The following RMC1 variants were observed in gnomAD, a reference collection of about 807,000 sequenced individuals.
The protein encoded by RMC1 is regulator of MON1-CCZ1 complex.
Under a neutral mutation model 95.5 loss-of-function variants are expected in RMC1, and 44 were observed. The observed-to-expected ratio is 0.46, with a 90% CI of 0.36 to 0.59. The LOEUF is 0.59. Ranked by LOEUF, RMC1 falls within the 20% of genes least tolerant of loss-of-function variation. RMC1 has a pLI of 0.00. For synonymous variants in RMC1, 320 were observed against 303.6 expected (o/e 1.05, Z -0.56); for missense variants, 705 against 819.6 (o/e 0.86, Z 1.71).
chr18:23,526,796 T>G, intron 13 of RMC1, 31 bp downstream of exon 13: 1 of 1,610,708 alleles, frequency 6.2e-7, no homozygotes, highest in South Asian at 1.1e-5. Flanking sequence ...TTGCTCTGAT[T>G]CCAGTGTGAG....
At chr18:23,524,941 CTTTTTTTTTTT>C (rs5823396) in intron 12 of RMC1, among the ~76,000 whole-genome samples, 4 of 69,208 alleles carry the variant, frequency 5.8e-5, no homozygotes, top group African/African-American at 1.8e-4. Context: ...TTAGAGAAAT[CTTTTTTTTTTT>C]TTTTTTTTTT....
Position 23,520,317 on chromosome 18 carries a change from A to G in RMC1, c.961+4A>G. ...CCCTATCAGATCCCCATCACAGGTAACACGGGTTCTGTAGAGGAGTCTGTG... is the reference window on the plus strand; with the variant it reads ...CCCTATCAGATCCCCATCACAGGTAGCACGGGTTCTGTAGAGGAGTCTGTG... On this transcript the variant is annotated splice_donor_region_variant and intron_variant, in intron 10 of 19. Coordinates refer to ENST00000269221, the MANE Select transcript of RMC1 (RefSeq NM_013326.5). The G allele has an allele frequency of 6.2e-7, 1 of 1,608,562 alleles. No homozygotes were observed. The highest frequency in any genetic ancestry group is 8.5e-7 in the Non-Finnish European group (1 of 1,175,090).
intron 8 of RMC1, 25 bp from the exon 9 acceptor site, chr18:23,519,044 C>A (rs1483545170): frequency 1.5e-5 from 24 of 1,612,718 alleles, no homozygotes; most frequent in Non-Finnish European, 2.0e-5. Context: ...GCTTGTTGAT[C>A]TGTTTTTTGC....
At chr18:23,515,775 C>T (rs975808974) in intron 5 of RMC1, 81 bp from the exon 6 acceptor site, 42 of 1,546,218 alleles carry the variant, frequency 2.7e-5, no homozygotes, top group East Asian at 4.5e-5. Flanking sequence ...TCAGGTGATC[C>T]GCCCACCTTA....
chr18:23,529,753 ATTT>A, intron 16 of RMC1, 41 bp downstream of exon 16: 2 of 1,549,100 alleles, frequency 1.3e-6, no homozygotes, highest in African/African-American at 1.4e-5. Context: ...AACAGAAGGA[ATTT>A]AAAAAAAAAA....
In RMC1 at chr18:23,528,079, G is replaced by A. The variant is rs544406091; in HGVS notation, c.1296+178G>A. ...ATAGTGGAGGAGTAGTAAATTCAGGGTCCCTGCATCCCACGAGCTGGCGGC... is the reference window on the plus strand; with the variant it reads ...ATAGTGGAGGAGTAGTAAATTCAGGATCCCTGCATCCCACGAGCTGGCGGC... On this transcript the variant is annotated intron_variant, in intron 14 of 19. Transcript: ENST00000269221. The A allele has an allele frequency of 9.2e-6, 5 of 545,860 alleles. No homozygotes were observed. In the South Asian group the frequency reaches 1.2e-4, roughly 13 times the overall value. The allele number at this position is 545,860 out of a possible 1,614,324, so 33.8% of individuals were successfully genotyped here.
At chr18:23,531,408 G>A in intron 19 of RMC1, 3 of 904,054 alleles carry the variant, frequency 3.3e-6, no homozygotes, top group Non-Finnish European at 3.1e-6. Context: ...ATGTAAGACG[G>A]CATTTAGTTA....
At chr18:23,505,214 C>T (rs1037399831) in intron 2 of RMC1, among the ~76,000 whole-genome samples, 8 of 152,126 alleles carry the variant, frequency 5.3e-5, no homozygotes, top group African/African-American at 1.2e-4. Flanking sequence ...CCCACCACCA[C>T]GCCCGGCTAA....
Position 23,529,235 on chromosome 18 carries a change from C to T in RMC1, c.1353C>T (p.Thr451=). 1 of 1,614,036 alleles carries T rather than the reference C, an allele frequency of 6.2e-7. No homozygotes were observed. Among genetic ancestry groups the T allele is most frequent in the Non-Finnish European group, 8.5e-7 (1 of 1,180,006 alleles). The change falls in exon 15 of 20, where the codon ACC becomes ACT. Residue 451 remains threonine, a synonymous_variant. Coordinates refer to ENST00000269221, the MANE Select transcript of RMC1 (RefSeq NM_013326.5). ...CGCTCCTCAAGAGGCCGGTGCGGAC[C>T]CAGGCGGTGCTGGACCAGTCAGATG... The part of the protein sequence containing the change: ...SSPLLKRPVR[T]QAVLDQSDVY...
chr18:23,504,731 C>G, intron 2 of RMC1: 1 of 299,122 alleles, frequency 3.3e-6, no homozygotes, highest in Non-Finnish European at 6.5e-6. Flanking sequence ...ATGATGTGCC[C>G]ATTTCTGGTT....
intron 19 of RMC1, 117 bp from the exon 20 acceptor site, chr18:23,531,508 C>CA: frequency 6.7e-7 from 1 of 1,493,026 alleles, no homozygotes; most frequent in Non-Finnish European, 8.9e-7. Context: ...CTTAGGAAAA[C>CA]AATGTATTTT....
At position 23,504,411 on chromosome 18, in the gene RMC1, T is replaced by C; in HGVS notation, c.143T>C (p.Val48Ala). The C allele has an allele frequency of 6.2e-7, 1 of 1,614,196 alleles. No homozygotes were observed. Among genetic ancestry groups the C allele is most frequent in the East Asian group, 2.2e-5 (1 of 44,892 alleles). The change falls in exon 2 of 20, where the codon GTT becomes GCT. Residue 48 changes from valine to alanine, a missense_variant. Val to Ala is a moderately conservative substitution (Grantham distance 64, BLOSUM62 0). Coordinates refer to ENST00000269221, the MANE Select transcript of RMC1 (RefSeq NM_013326.5). ...TCTGGTGGAGCTACTGGCGTGGTAG[T>C]TAAAGGCCCAGATGATAGGAATCCC... ...VRSGGATGVV[V>A]KGPDDRNPIS...
chr18:23,522,429 G>A (rs2058167124), intron 10 of RMC1: 1 of 152,182 alleles, frequency 6.6e-6, no homozygotes, highest in Non-Finnish European at 1.5e-5. Context: ...AGCTTTGAAT[G>A]CAGCCCAACA....
In RMC1 at chr18:23,527,862, G is replaced by C; in HGVS notation, c.1257G>C (p.Glu419Asp). 1 of 1,614,106 alleles carries C rather than the reference G, an allele frequency of 6.2e-7. No individual in the cohort carries two copies. Among genetic ancestry groups the C allele is most frequent in the Non-Finnish European group, 8.5e-7 (1 of 1,180,000 alleles). ...IATVFDKLNH[E>D]YKKYLDAEQS... ...CTGTTTTTGATAAACTCAACCATGAGTATAAAAAGTACCTGGATGCCGAGC... is the reference window on the plus strand; with the variant it reads ...CTGTTTTTGATAAACTCAACCATGACTATAAAAAGTACCTGGATGCCGAGC... The change falls in exon 14 of 20, where the codon GAG (glutamate) becomes GAC (aspartate). Residue 419 changes from glutamate (E) to aspartate (D), a missense_variant. By Grantham distance (45) the Glu-to-Asp change is conservative. Coordinates refer to ENST00000269221, the MANE Select transcript of RMC1 (RefSeq NM_013326.5).
At chr18:23,513,359 C>T (rs2057914654) in intron 5 of RMC1, among the ~76,000 whole-genome samples, 1 of 152,218 alleles carries the variant, frequency 6.6e-6, no homozygotes, top group Admixed American at 6.5e-5. Flanking sequence ...TTCCCCCATG[C>T]CATAGCATGT....
At chr18:23,524,106 C>G (rs1264787543) in intron 10 of RMC1, 24 bp from the exon 11 acceptor site, 1 of 1,613,560 alleles carries the variant, frequency 6.2e-7, no homozygotes, top group Non-Finnish European at 8.5e-7. Flanking sequence ...TGCATCGTTG[C>G]ACTTATGTTT....
chr18:23,507,375 T>G (rs1160472008), intron 3 of RMC1, among the ~76,000 whole-genome samples: 3 of 152,220 alleles, frequency 2.0e-5, no homozygotes, highest in Non-Finnish European at 2.9e-5. Flanking sequence ...TTCTCTCGCC[T>G]CAGTCTCCCT....
In RMC1 at chr18:23,524,482, G is replaced by C; in HGVS notation, c.1060G>C (p.Gly354Arg). 6.2e-7 allele frequency: 1 copy of C among 1,613,990 alleles called. No individual in the cohort carries two copies. The highest frequency in any genetic ancestry group is 8.5e-7 in the Non-Finnish European group (1 of 1,179,870). Residue 354 changes from glycine (G) to arginine (R), a missense_variant and splice_region_variant, in exon 12 of 20, where the codon GGT becomes CGT. Gly to Arg is a moderately radical substitution (Grantham distance 125, BLOSUM62 -2). Coordinates refer to ENST00000269221, the MANE Select transcript of RMC1 (RefSeq NM_013326.5). Reference sequence around the variant, plus strand: ...TGACATCATTATCAGCGCAAGCCAAGGTAGGTCAGCGGGGACAGTTGTCGT... The same window carrying C: ...TGACATCATTATCAGCGCAAGCCAACGTAGGTCAGCGGGGACAGTTGTCGT... ...QPDIIISASQ[G>R]YLWNLQVKLE...
At position 23,504,419 on chromosome 18, in the gene RMC1, C is replaced by A; in HGVS notation, c.151C>A (p.Pro51Thr). The change falls in exon 2 of 20, where the codon CCA becomes ACA. Residue 51 changes from proline to threonine, a missense_variant. Transcript: ENST00000269221. ...GGATGVVVKGPDDRNPISFRM... is the reference protein window; with the variant it reads ...GGATGVVVKGTDDRNPISFRM... Reference sequence around the variant, plus strand: ...AGCTACTGGCGTGGTAGTTAAAGGCCCAGATGATAGGAATCCCATCTCATT... The same window carrying A: ...AGCTACTGGCGTGGTAGTTAAAGGCACAGATGATAGGAATCCCATCTCATT... The A allele has an allele frequency of 6.2e-7, 1 of 1,614,038 alleles. No individual in the cohort carries two copies. Among genetic ancestry groups the A allele is most frequent in the Non-Finnish European group, 8.5e-7 (1 of 1,179,952 alleles).
Sources: gnomAD v4.1 joint callset for allele counts (sites outside exome capture counted in the v4.1 genomes callset) on GRCh38, gnomAD v4.1.1 for gene constraint, MANE v1.5 for transcripts, NCBI Gene and HGNC (gene_info 2026-07-23, HGNC 2026-07-21) for gene names.